The following HYDIN variants were observed in gnomAD, a reference collection of about 807,000 sequenced individuals.
HYDIN encodes HYDIN axonemal central pair apparatus protein.
A neutral mutation model predicts 403.9 loss-of-function variants in HYDIN; 132 were observed. The ratio of observed to expected loss-of-function variants is 0.33; its 90% CI spans 0.28 to 0.38. HYDIN has a LOEUF of 0.38. Ranked by LOEUF, HYDIN falls within the 10% of genes least tolerant of loss-of-function variation. The pLI is 1.00. For missense variants in HYDIN, 2,827 were observed against 5,009.5 expected (o/e 0.56, Z 13.15); for synonymous variants, 1,202 against 1,891.7 (o/e 0.64, Z 9.46).
intron 65 of HYDIN, among the ~76,000 whole-genome samples, chr16:70,869,717 G>A (rs1960343): frequency 1.1e-4 from 16 of 147,602 alleles, no homozygotes; most frequent in South Asian, 2.3e-4. Context: ...ACCCAGTCTC[G>A]GGTATGTCTT....
chr16:70,992,293 T>C (rs1162269786), intron 23 of HYDIN, 83 bp from the exon 24 acceptor site: 1 of 1,491,026 alleles, frequency 6.7e-7, no homozygotes. Context: ...TCTCAGTTTC[T>C]AAGGCCAAAC....
intron 45 of HYDIN, among the ~76,000 whole-genome samples, chr16:70,933,087 C>T (rs867053260): frequency 4.6e-5 from 7 of 151,700 alleles, no homozygotes; most frequent in Middle Eastern, 6.8e-3. Flanking sequence ...ATCCTGTTTC[C>T]AGAACCAGAA....
At chr16:70,942,016 T>A (rs1166971572) in intron 42 of HYDIN, among the ~76,000 whole-genome samples, 197 bp from the exon 43 acceptor site, 1 of 141,660 alleles carries the variant, frequency 7.1e-6, no homozygotes, top group Non-Finnish European at 1.5e-5. Context: ...CCAGTCTTTT[T>A]TTTTTTTTTT....
rs1322580328 is a variant in HYDIN, at chr16:70,941,802, T to G, written c.6687A>C (p.Arg2229=). ...AERIQLSDCY[R]GVVFDGLDTL... The stretch of plus-strand genomic sequence containing the variant: ...TGTCGAGGCCATCAAACACCACTCC[T>G]CGGTAGCAGTCACTCAGCTGAAACC... The change falls in exon 43 of 86, where the codon CGA becomes CGC. Residue 2229 remains arginine (R), a synonymous_variant. Transcript: ENST00000393567. 2.0e-6 allele frequency: 3 copies of G among 1,520,952 alleles called. No homozygotes were observed. Among genetic ancestry groups the G allele is most frequent in the African/African-American group, 1.4e-5 (1 of 71,086 alleles). The allele number at this position is 1,520,952 out of a possible 1,614,324, so 94.2% of individuals were successfully genotyped here. A position where few individuals can be genotyped will look rare whatever the true frequency, so the allele number is the denominator to read the frequency against.
chr16:70,874,714 G>T, intron 63 of HYDIN, 103 bp downstream of exon 63: 6 of 1,406,246 alleles, frequency 4.3e-6, no homozygotes, highest in Non-Finnish European at 5.7e-6. Context: ...GAGGCCAGTG[G>T]TGACGAGACT....
chr16:71,186,237 T>C (rs1369236078), intron 2 of HYDIN, among the ~76,000 whole-genome samples: 1 of 152,146 alleles, frequency 6.6e-6, no homozygotes, highest in African/African-American at 2.4e-5. Context: ...AGCATGTGGT[T>C]CATAAATTAT....
At chr16:70,917,973 GA>G (rs2076891951) in intron 47 of HYDIN, among the ~76,000 whole-genome samples, 1 of 151,998 alleles carries the variant, frequency 6.6e-6, no homozygotes, top group African/African-American at 2.4e-5. Flanking sequence ...TGTTAGGTGA[GA>G]ATCAATCATT....
chr16:71,040,479 C>T (rs2081249874), intron 18 of HYDIN, among the ~76,000 whole-genome samples: 1 of 146,000 alleles, frequency 6.8e-6, no homozygotes, highest in South Asian at 2.3e-4. Context: ...CATACCCCCC[C>T]TCCCCGCACC....
chr16:71,181,418 A>T (rs866088116), intron 3 of HYDIN, among the ~76,000 whole-genome samples: 1 of 152,104 alleles, frequency 6.6e-6, no homozygotes, highest in Admixed American at 6.6e-5. Context: ...TATCAGAAAA[A>T]TAAATGTACC....
At chr16:70,877,110 G>A (rs2143671449) in intron 62 of HYDIN, among the ~76,000 whole-genome samples, 1 of 150,724 alleles carries the variant, frequency 6.6e-6, no homozygotes, top group Non-Finnish European at 1.5e-5. Context: ...GTTAAAGGGA[G>A]AGTTAATAAA....
chr16:70,971,130 G>A (rs527595493), intron 35 of HYDIN, among the ~76,000 whole-genome samples: 23 of 152,204 alleles, frequency 1.5e-4, no homozygotes, highest in Non-Finnish European at 3.2e-4. Context: ...TCATTTCATG[G>A]AACCTGCTGT....
At chr16:71,201,436 G>A (rs2088005956) in intron 1 of HYDIN, among the ~76,000 whole-genome samples, 1 of 152,114 alleles carries the variant, frequency 6.6e-6, no homozygotes, top group African/African-American at 2.4e-5. Flanking sequence ...ACCTCTTGCT[G>A]GAAACAATGT....
intron 28 of HYDIN, among the ~76,000 whole-genome samples, 177 bp from the exon 29 acceptor site, chr16:70,981,745 A>G (rs554889627): frequency 6.6e-6 from 1 of 152,308 alleles, no homozygotes; most frequent in Non-Finnish European, 1.5e-5. Flanking sequence ...AAATCCACAA[A>G]CTGGTTCTTT....
intron 1 of HYDIN, among the ~76,000 whole-genome samples, chr16:71,207,436 A>G (rs2088357963): frequency 6.6e-6 from 1 of 152,268 alleles, no homozygotes; most frequent in African/African-American, 2.4e-5. Context: ...AGCAGTCAAT[A>G]TAGAAAGACC....
Position 70,830,134 on chromosome 16 carries a change from T to C in HYDIN, c.13900-304A>G, listed in dbSNP as rs370876901. ...CAAGTGGAATGTAGAGCGTGCAGGA[T>C]AGAAATAAGTGCCAAGGGGAAAGAC... On this transcript the variant is annotated intron_variant, in intron 80 of 85. Transcript: ENST00000393567. Among the ~76,000 whole-genome samples the C allele has an allele frequency of 9.3e-3, 1,404 of 151,534 alleles. 10 individuals carry two copies. Among genetic ancestry groups the C allele is most frequent in the Middle Eastern group, 0.079 (23 of 290 alleles).
chr16:71,185,766 GGA>G (rs1172281686), intron 2 of HYDIN, among the ~76,000 whole-genome samples: 4 of 152,128 alleles, frequency 2.6e-5, no homozygotes, highest in African/African-American at 9.7e-5. Flanking sequence ...ATATGTGCAG[GGA>G]GATTATGATC....
At chr16:71,207,908 C>T (rs1175293900) in intron 1 of HYDIN, among the ~76,000 whole-genome samples, 1 of 152,126 alleles carries the variant, frequency 6.6e-6, no homozygotes, top group Non-Finnish European at 1.5e-5. Flanking sequence ...AACAGGTGCA[C>T]CCAGATTCAT....
intron 18 of HYDIN, among the ~76,000 whole-genome samples, chr16:71,039,257 G>A (rs1393053051): frequency 3.9e-5 from 6 of 152,122 alleles, no homozygotes; most frequent in African/African-American, 1.2e-4. Flanking sequence ...TAAGCATCTA[G>A]CACCTCGTCT....
At chr16:70,989,739 G>A (rs1268667084) in intron 25 of HYDIN, among the ~76,000 whole-genome samples, 1 of 152,152 alleles carries the variant, frequency 6.6e-6, no homozygotes, top group South Asian at 2.1e-4. Flanking sequence ...CAGTTCTCCG[G>A]TTCTCCCCTC....
Sources: allele counts gnomAD v4.1 joint callset (sites outside exome capture counted in the v4.1 genomes callset), GRCh38; gene constraint gnomAD v4.1.1; transcripts MANE v1.5; gene names NCBI Gene and HGNC (gene_info 2026-07-23, HGNC 2026-07-21).